The following LRCH1 variants were observed in gnomAD, a reference collection of about 807,000 sequenced individuals.
The protein encoded by LRCH1 is leucine-rich repeat and calponin homology domain-containing protein 1.
A neutral mutation model predicts 94.9 loss-of-function variants in LRCH1; 23 were observed. That is an observed-to-expected ratio of 0.24 (90% CI 0.17 to 0.34). The LOEUF (loss-of-function observed/expected upper bound fraction) is 0.34. LRCH1 is among the 10% of genes least tolerant of loss of function. LRCH1 has a pLI of 1.00. For synonymous variants in LRCH1, 364 were observed against 354.9 expected (o/e 1.03, Z -0.29); for missense variants, 790 against 945.9 (o/e 0.84, Z 2.16).
chr13:46,724,564 C>G (rs1872725038), intron 17 of LRCH1, among the ~76,000 whole-genome samples: 1 of 152,100 alleles, frequency 6.6e-6, no homozygotes, highest in Non-Finnish European at 1.5e-5. Context: ...TATTTCTTGT[C>G]GTATTTCTTA....
chr13:46,743,200 A>G lies in LRCH1; in HGVS notation c.*1352A>G. ...ATTAAGATGCAAACAGCTCTCATAG[A>G]TGGCTACTACGAAGAAAATCTTATT... On this transcript the variant is annotated 3_prime_UTR_variant, in exon 20 of 20. Transcript: ENST00000389797. 1.0e-6 allele frequency: 1 copy of G among 985,806 alleles called. No homozygotes were observed. The allele number at this position is 985,806 out of a possible 1,614,324, so 61.1% of individuals were successfully genotyped here. A position where few individuals can be genotyped will look rare whatever the true frequency, so the allele number is the denominator to read the frequency against.
intron 1 of LRCH1, among the ~76,000 whole-genome samples, chr13:46,598,940 T>G (rs938439785): frequency 1.4e-4 from 21 of 152,222 alleles, no homozygotes; most frequent in African/African-American, 4.3e-4. Flanking sequence ...TCTCCAGAGC[T>G]CTTTTCATCT....
At position 46,705,600 on chromosome 13, in the gene LRCH1, G is replaced by A. The variant is rs941280641; in HGVS notation, c.1527+296G>A. ...CAAGCGATGGCAACTAAAATACATA[G>A]GGAATCTGCCTGTGTGTCAGAACCT... is the stretch of plus-strand genomic sequence containing the variant. On this transcript the variant is annotated intron_variant, in intron 13 of 19. Coordinates refer to ENST00000389797, the MANE Select transcript of LRCH1 (RefSeq NM_001164211.2). 5.6e-6 allele frequency: 3 copies of A among 533,136 alleles called. No individual in the cohort carries two copies. The African/African-American group carries it at 5.7e-5, about 10-fold the overall frequency. The allele number at this position is 533,136 out of a possible 1,614,324, so 33.0% of individuals were successfully genotyped here. A position where few individuals can be genotyped will look rare whatever the true frequency, so the allele number is the denominator to read the frequency against.
chr13:46,567,427 ATCTC>A (rs2050196013), intron 1 of LRCH1, among the ~76,000 whole-genome samples: 1 of 151,780 alleles, frequency 6.6e-6, no homozygotes, highest in African/African-American at 2.4e-5. Flanking sequence ...CGGCAAATAG[ATCTC>A]TCTTTGTGCA....
chr13:46,676,847 A>C (rs2051680841), intron 3 of LRCH1, among the ~76,000 whole-genome samples: 1 of 152,138 alleles, frequency 6.6e-6, no homozygotes, highest in South Asian at 2.1e-4. Context: ...CCATGGTCAC[A>C]GCTCACTGCA....
In LRCH1 at chr13:46,701,181, A is replaced by C; in HGVS notation, c.1374A>C (p.Ala458=). The change falls in exon 11 of 20, where the codon GCA becomes GCC. Residue 458 remains alanine (A), a synonymous_variant. Transcript: ENST00000389797. Reference sequence around the variant, plus strand: ...CAATGATCGAGCAGCTGAGAGAAGCAGTAGATTTGCTGCAAGATCCCAATG... The same window carrying C: ...CAATGATCGAGCAGCTGAGAGAAGCCGTAGATTTGCTGCAAGATCCCAATG... ...DIAMIEQLRE[A]VDLLQDPNGL... is the part of the protein sequence containing the mutation. 1 of 1,613,814 alleles carries C rather than the reference A, an allele frequency of 6.2e-7. No individual in the cohort carries two copies. The highest frequency in any genetic ancestry group is 8.5e-7 in the Non-Finnish European group (1 of 1,179,676).
chr13:46,554,253 G>A (rs993338453), intron 1 of LRCH1, among the ~76,000 whole-genome samples: 1 of 152,258 alleles, frequency 6.6e-6, no homozygotes, highest in Non-Finnish European at 1.5e-5. Flanking sequence ...GAGCCCCCTC[G>A]GCGACATCGC....
At chr13:46,650,521 T>A (rs1271762713) in intron 2 of LRCH1, among the ~76,000 whole-genome samples, 176 bp downstream of exon 2, 1 of 151,864 alleles carries the variant, frequency 6.6e-6, no homozygotes, top group African/African-American at 2.4e-5. Context: ...GTTAATACTG[T>A]CCTTGGTGCT....
intron 2 of LRCH1, among the ~76,000 whole-genome samples, chr13:46,663,857 C>T (rs970920930): frequency 2.0e-5 from 3 of 152,156 alleles, no homozygotes; most frequent in African/African-American, 7.2e-5. Context: ...TAGATTCAGG[C>T]CTGTGTCATT....
rs904342738 is a variant in LRCH1, at chr13:46,635,707, G to A, written c.308-14494G>A. ...AGGATGGTCTCGATCTCCTGACCTC[G>A]TGATCCACCTGCCTCGGCCTCCCAA... On this transcript the variant is annotated intron_variant, in intron 1 of 19. Coordinates refer to ENST00000389797, the MANE Select transcript of LRCH1 (RefSeq NM_001164211.2). Among the ~76,000 whole-genome samples the A allele has an allele frequency of 5.3e-5, 8 of 150,724 alleles. No individual in the cohort carries two copies. In the East Asian group the frequency reaches 9.9e-4, roughly 19 times the overall value.
At chr13:46,745,992 C>A (rs1593392796), downstream of LRCH1, among the ~76,000 whole-genome samples, 1 of 152,118 alleles carries the variant, frequency 6.6e-6, no homozygotes, top group Non-Finnish European at 1.5e-5. Context: ...ATTGATGGGA[C>A]TAGCCATCAA....
chr13:46,670,285 A>G (rs940615346), intron 3 of LRCH1, among the ~76,000 whole-genome samples: 1 of 152,232 alleles, frequency 6.6e-6, no homozygotes, highest in Non-Finnish European at 1.5e-5. Flanking sequence ...TAGAGGATAC[A>G]GGGGTCCATC....
intron 9 of LRCH1, among the ~76,000 whole-genome samples, chr13:46,696,051 C>A (rs535635800): frequency 6.6e-6 from 1 of 152,166 alleles, no homozygotes; most frequent in Non-Finnish European, 1.5e-5. Context: ...ATAGGTCACA[C>A]CCATTGCCTT....
chr13:46,711,559 A>G (rs1872062241), intron 13 of LRCH1, among the ~76,000 whole-genome samples: 1 of 152,218 alleles, frequency 6.6e-6, no homozygotes, highest in Non-Finnish European at 1.5e-5. Flanking sequence ...GAAGTTCTTT[A>G]TCTTAGTTTG....
In LRCH1 at chr13:46,728,979, G is replaced by A. The variant is rs769639526; in HGVS notation, c.2002G>A (p.Ala668Thr). The A allele has an allele frequency of 2.0e-5, 32 of 1,612,052 alleles. No individual in the cohort carries two copies. The highest frequency in any genetic ancestry group is 4.2e-6 in the Non-Finnish European group (5 of 1,178,978). ...TGCAAGCATCCATGTCCCATCACCAGCGGTTGTAAGTAACACCAAAGGGAA... is the reference window on the plus strand; with the variant it reads ...TGCAAGCATCCATGTCCCATCACCAACGGTTGTAAGTAACACCAAAGGGAA... ...SVASIHVPSP[A>T]VPKLSMAKCR... Residue 668 changes from alanine (A) to threonine (T), a missense_variant, in exon 18 of 20, where the codon GCG becomes ACG. By Grantham distance (58) the Ala-to-Thr change is moderately conservative. Transcript: ENST00000389797.
chr13:46,707,039 T>C (rs573554487), intron 13 of LRCH1, among the ~76,000 whole-genome samples: 1 of 152,358 alleles, frequency 6.6e-6, no homozygotes, highest in African/African-American at 2.4e-5. Context: ...AAATTCATGG[T>C]GATAACATAT....
chr13:46,578,167 G>T (rs1010385508), intron 1 of LRCH1, among the ~76,000 whole-genome samples: 1 of 152,184 alleles, frequency 6.6e-6, no homozygotes, highest in South Asian at 2.1e-4. Context: ...AAAATCTCCT[G>T]GCTGCGGTTA....
chr13:46,568,924 A>C (rs2050213365), intron 1 of LRCH1, among the ~76,000 whole-genome samples: 1 of 152,200 alleles, frequency 6.6e-6, no homozygotes, highest in Non-Finnish European at 1.5e-5. Flanking sequence ...GAACATTTCC[A>C]ATACCTTTTT....
intron 1 of LRCH1, among the ~76,000 whole-genome samples, chr13:46,608,792 A>C (rs1310294213): frequency 1.3e-5 from 2 of 152,206 alleles, no homozygotes; most frequent in African/African-American, 4.8e-5. Flanking sequence ...CTAAAAATAG[A>C]TTTCTTTTTC....
Sources: allele counts gnomAD v4.1 joint callset (sites outside exome capture counted in the v4.1 genomes callset), GRCh38; gene constraint gnomAD v4.1.1; transcripts MANE v1.5; gene names NCBI Gene and HGNC (gene_info 2026-07-23, HGNC 2026-07-21).